Variants in ACAD10 observed in about 807,000 individuals in gnomAD.
The protein encoded by ACAD10 is acyl-CoA dehydrogenase family member 10.
A neutral mutation model predicts 116.8 loss-of-function variants in ACAD10; 112 were observed. The observed-to-expected ratio is 0.96, with a 90% confidence interval of 0.82 to 1.12. The LOEUF (loss-of-function observed/expected upper bound fraction) is 1.12. Ranked by LOEUF, ACAD10 falls within the 50% of genes most tolerant of loss-of-function variation. ACAD10 has a pLI of 0.00. For synonymous variants in ACAD10, 486 were observed against 510.6 expected (o/e 0.95, Z 0.65); for missense variants, 1,259 against 1,350.2 (o/e 0.93, Z 1.06).
At chr12:111,750,098 T>G (rs1890031521) in intron 18 of ACAD10, among the ~76,000 whole-genome samples, 1 of 144,190 alleles carries the variant, frequency 6.9e-6, no homozygotes, top group Admixed American at 6.9e-5. Flanking sequence ...TTTTTTTGTT[T>G]TTTTTTTTTT....
chr12:111,742,136 T>C (rs1889762111), intron 12 of ACAD10, among the ~76,000 whole-genome samples: 1 of 152,206 alleles, frequency 6.6e-6, no homozygotes, highest in Non-Finnish European at 1.5e-5. Flanking sequence ...TTGGAAAATA[T>C]ACCAGAAGCA....
At chr12:111,731,117 TTTGA>T (rs1237777342) in intron 10 of ACAD10, among the ~76,000 whole-genome samples, 1 of 152,184 alleles carries the variant, frequency 6.6e-6, no homozygotes, top group Non-Finnish European at 1.5e-5. Flanking sequence ...GCCTTCCAAA[TTTGA>T]TTGGCCTCTC....
At chr12:111,740,256 G>A (rs550354830) in intron 12 of ACAD10, among the ~76,000 whole-genome samples, 23 of 152,300 alleles carry the variant, frequency 1.5e-4, no homozygotes, top group African/African-American at 5.5e-4. Flanking sequence ...CTGAGGTCGG[G>A]AGTTTGAGAC....
At chr12:111,723,598 AC>A (rs1209502343) in intron 8 of ACAD10, among the ~76,000 whole-genome samples, 19 of 101,798 alleles carry the variant, frequency 1.9e-4, no homozygotes, top group African/African-American at 6.9e-4. Flanking sequence ...TGGGGGGCTG[AC>A]CCCCCCACCT....
intron 2 of ACAD10, among the ~76,000 whole-genome samples, chr12:111,697,318 G>T (rs1358597272): frequency 6.6e-6 from 1 of 151,226 alleles, no homozygotes. Flanking sequence ...ATTTTTGTTA[G>T]TGTGATAGAT....
chr12:111,730,968 A>G (rs1048313592), intron 10 of ACAD10, among the ~76,000 whole-genome samples: 2 of 152,162 alleles, frequency 1.3e-5, no homozygotes, highest in African/African-American at 2.4e-5. Context: ...TAGTAATACA[A>G]AAATGTGAGA....
intron 7 of ACAD10, among the ~76,000 whole-genome samples, chr12:111,718,713 G>A (rs1044646164): frequency 7.3e-5 from 11 of 151,278 alleles, no homozygotes; most frequent in Admixed American, 1.3e-4. Context: ...TCTTGACCTC[G>A]GGTGATCCGC....
intron 17 of ACAD10, chr12:111,748,875 T>G: frequency 2.2e-6 from 2 of 913,598 alleles, no homozygotes; most frequent in Non-Finnish European, 3.3e-6. Context: ...ACTTTCAGTG[T>G]TTTCATAGGA....
At chr12:111,719,108 G>A (rs894511510) in intron 7 of ACAD10, among the ~76,000 whole-genome samples, 5 of 151,716 alleles carry the variant, frequency 3.3e-5, no homozygotes, top group African/African-American at 1.2e-4. Flanking sequence ...GCAACATAAT[G>A]AGACTCTGTC....
chr12:111,718,185 G>T (rs1888906316), intron 7 of ACAD10, among the ~76,000 whole-genome samples: 2 of 151,282 alleles, frequency 1.3e-5, no homozygotes, highest in Non-Finnish European at 2.9e-5. Flanking sequence ...AAGTAACAGG[G>T]ATTATAGTCA....
At chr12:111,725,277 G>A (rs1488442881) in intron 8 of ACAD10, among the ~76,000 whole-genome samples, 1 of 152,106 alleles carries the variant, frequency 6.6e-6, no homozygotes, top group African/African-American at 2.4e-5. Context: ...GGAGGCTGAG[G>A]CAGGTAGATC....
chr12:111,713,295 A>G (rs1316476998), intron 6 of ACAD10, among the ~76,000 whole-genome samples: 3 of 149,200 alleles, frequency 2.0e-5, no homozygotes, highest in Non-Finnish European at 4.4e-5. Flanking sequence ...TGGGTGACAG[A>G]GCAAGACTCC....
chr12:111,723,489 C>T (rs1311687891), intron 8 of ACAD10, among the ~76,000 whole-genome samples: 13 of 141,584 alleles, frequency 9.2e-5, no homozygotes, highest in East Asian at 4.4e-4. Context: ...GCCTCCCTCC[C>T]GGACGGGGCG....
intron 18 of ACAD10, chr12:111,753,427 G>A (rs1484686435): frequency 4.2e-6 from 2 of 478,820 alleles, no homozygotes; most frequent in African/African-American, 1.9e-5. Context: ...GTAGCCTTGG[G>A]TCAGATGCTG....
chr12:111,710,256 T>A (rs1393083879), intron 5 of ACAD10: 4 of 453,014 alleles, frequency 8.8e-6, no homozygotes, highest in Non-Finnish European at 1.8e-5. Context: ...CCCGACTAAT[T>A]TTTGTATTTT....
rs537288059 is a variant in ACAD10 at position 111,756,072 on chromosome 12, C to T, written c.3040-261C>T. 8 of 1,270,720 alleles carry T rather than the reference C, an allele frequency of 6.3e-6. No individual in the cohort carries two copies. The Admixed American group carries it at 1.8e-4, about 28-fold the overall frequency. The allele number at this position is 1,270,720 out of a possible 1,614,324, so 78.7% of individuals were successfully genotyped here. On this transcript the variant is annotated intron_variant, in intron 20 of 20. Coordinates refer to ENST00000313698, the MANE Select transcript of ACAD10 (RefSeq NM_025247.6). ...CAGGCTCTTTCCCATGCAGGGGGGC[C>T]GCCTCCTTAGATCCTAACCCCCGGC...
chr12:111,714,037 G>T (rs2135959722), intron 6 of ACAD10, among the ~76,000 whole-genome samples: 1 of 152,136 alleles, frequency 6.6e-6, no homozygotes, highest in South Asian at 2.1e-4. Context: ...CTGAGGTCAG[G>T]AGTTTGAGAG....
At position 111,749,297 on chromosome 12, in the gene ACAD10, GA is replaced by G; in HGVS notation, c.2770del (p.Arg924GlyfsTer2). On this transcript the variant is annotated frameshift_variant, in exon 18 of 21. Coordinates refer to ENST00000313698, the MANE Select transcript of ACAD10 (RefSeq NM_025247.6). LOFTEE classifies it high-confidence loss of function. ...LGPGRIHHCM[R>X]LIGFSERALA... ...GCCCCGGCAGGATCCATCACTGCAT[GA>G]GGCTGATCGGGTTCTCAGAGAGGGC... is the stretch of plus-strand genomic sequence containing the variant. 1 of 1,614,030 alleles carries G rather than the reference GA, an allele frequency of 6.2e-7. No individual in the cohort carries two copies. Among genetic ancestry groups the G allele is most frequent in the Non-Finnish European group, 8.5e-7 (1 of 1,180,008 alleles).
At chr12:111,749,047 C>G (rs750181155) in intron 17 of ACAD10, 126 bp from the exon 18 acceptor site, 1 of 1,612,912 alleles carries the variant, frequency 6.2e-7, no homozygotes, top group Non-Finnish European at 8.5e-7. Context: ...TAACCATGTC[C>G]CAGTAAGAAG....
Sources: allele counts gnomAD v4.1 joint callset (sites outside exome capture counted in the v4.1 genomes callset), GRCh38; gene constraint gnomAD v4.1.1; transcripts MANE v1.5; gene names NCBI Gene and HGNC (gene_info 2026-07-23, HGNC 2026-07-21).